Variants in ADGRL3 observed in about 807,000 individuals in gnomAD.
The protein encoded by ADGRL3 is adhesion G protein-coupled receptor L3.
ADGRL3 carries 62 observed loss-of-function variants against 153.5 expected under a neutral mutation model. The observed-to-expected ratio is 0.40, with a 90% CI of 0.33 to 0.50. The LOEUF (loss-of-function observed/expected upper bound fraction) is 0.50. Ranked by LOEUF, ADGRL3 falls within the 20% of genes least tolerant of loss-of-function variation. The pLI is 0.47. For synonymous variants in ADGRL3, 710 were observed against 672.5 expected, an observed-to-expected ratio of 1.06 and a Z score of -0.86; for missense variants, 1,641 against 1,859.4, an observed-to-expected ratio of 0.88 and a Z score of 2.16.
intron 21 of ADGRL3, among the ~76,000 whole-genome samples, chr4:62,013,657 A>G (rs2099197660): frequency 6.6e-6 from 1 of 152,092 alleles, no homozygotes; most frequent in African/African-American, 2.4e-5. Context: ...TGGGAGGCTG[A>G]GGTGGGCGGA....
At chr4:61,377,431 C>G (rs1050614372) in intron 1 of ADGRL3, among the ~76,000 whole-genome samples, 14 of 151,906 alleles carry the variant, frequency 9.2e-5, no homozygotes, top group African/African-American at 3.4e-4. Context: ...TAATAATAAC[C>G]TGTGAGTTTC....
intron 5 of ADGRL3, among the ~76,000 whole-genome samples, chr4:61,643,797 G>T (rs1324089385): frequency 6.9e-6 from 1 of 145,154 alleles, no homozygotes; most frequent in African/African-American, 2.6e-5. Context: ...GATGATGCTG[G>T]CCTCATAAAA....
intron 2 of ADGRL3, among the ~76,000 whole-genome samples, chr4:61,486,020 T>C (rs1360057136): frequency 6.6e-6 from 1 of 152,156 alleles, no homozygotes; most frequent in Non-Finnish European, 1.5e-5. Context: ...CTTGGCTCAC[T>C]GCAAGCTCCG....
intron 4 of ADGRL3, among the ~76,000 whole-genome samples, chr4:61,523,146 G>A (rs1057402201): frequency 6.6e-6 from 1 of 152,038 alleles, no homozygotes; most frequent in Non-Finnish European, 1.5e-5. Flanking sequence ...ATCTTCTCAT[G>A]TTCTTACTTT....
At chr4:61,266,661 G>T (rs1345650612) in intron 1 of ADGRL3, among the ~76,000 whole-genome samples, 1 of 151,786 alleles carries the variant, frequency 6.6e-6, no homozygotes, top group Non-Finnish European at 1.5e-5. Context: ...AATTCTGAGT[G>T]TCATAATTGT....
chr4:61,755,059 A>C (rs554085520), intron 8 of ADGRL3, among the ~76,000 whole-genome samples: 220 of 152,248 alleles, frequency 1.4e-3, no homozygotes, highest in African/African-American at 5.0e-3. Context: ...TGCTATTGTG[A>C]ATAGTGCTGC....
At chr4:61,955,620 A>G (rs1241153859) in intron 17 of ADGRL3, among the ~76,000 whole-genome samples, 1 of 152,040 alleles carries the variant, frequency 6.6e-6, no homozygotes, top group African/African-American at 2.4e-5. Flanking sequence ...GATTTGTTAC[A>G]TAGGTATATT....
chr4:61,955,004 T>C (rs2098960876), intron 17 of ADGRL3, among the ~76,000 whole-genome samples: 1 of 152,200 alleles, frequency 6.6e-6, no homozygotes, highest in Non-Finnish European at 1.5e-5. Context: ...GTAAATGGCA[T>C]GATTCCAGCT....
chr4:61,513,294 C>G (rs866948724), intron 3 of ADGRL3, among the ~76,000 whole-genome samples: 1 of 152,128 alleles, frequency 6.6e-6, no homozygotes, highest in Non-Finnish European at 1.5e-5. Flanking sequence ...GTATTGATCT[C>G]TGCAAGTTAT....
At chr4:61,260,391 A>C (rs1471845315) in intron 1 of ADGRL3, among the ~76,000 whole-genome samples, 1 of 152,206 alleles carries the variant, frequency 6.6e-6, no homozygotes, top group Non-Finnish European at 1.5e-5. Flanking sequence ...TGAATAATGA[A>C]ATGGATAGAG....
At chr4:61,511,792 A>G (rs1297264163) in intron 3 of ADGRL3, among the ~76,000 whole-genome samples, 2 of 152,186 alleles carry the variant, frequency 1.3e-5, no homozygotes, top group Admixed American at 1.3e-4. Flanking sequence ...TATAAGACCC[A>G]GAATTGAAAC....
chr4:61,927,498 A>G (rs1252178666), intron 13 of ADGRL3, among the ~76,000 whole-genome samples: 1 of 152,108 alleles, frequency 6.6e-6, no homozygotes, highest in Non-Finnish European at 1.5e-5. Flanking sequence ...TTTAATTAAG[A>G]CTTGAAAATG....
At chr4:61,294,323 G>A (rs1295876730) in intron 1 of ADGRL3, among the ~76,000 whole-genome samples, 1 of 152,132 alleles carries the variant, frequency 6.6e-6, no homozygotes, top group Non-Finnish European at 1.5e-5. Context: ...TAAGTATTGA[G>A]CATTTTATTA....
intron 1 of ADGRL3, among the ~76,000 whole-genome samples, chr4:61,315,148 G>T (rs1293954626): frequency 6.6e-6 from 1 of 152,134 alleles, no homozygotes; most frequent in African/African-American, 2.4e-5. Flanking sequence ...GGTGTGGAGA[G>T]GGAAGAGTCT....
At chr4:61,936,926 G>A (rs1295928172) in intron 15 of ADGRL3, among the ~76,000 whole-genome samples, 3 of 151,992 alleles carry the variant, frequency 2.0e-5, no homozygotes, top group African/African-American at 7.2e-5. Flanking sequence ...ATATTGCAGG[G>A]TGAATAGTTT....
intron 4 of ADGRL3, among the ~76,000 whole-genome samples, chr4:61,565,292 A>C (rs954255315): frequency 6.6e-6 from 1 of 152,140 alleles, no homozygotes; most frequent in African/African-American, 2.4e-5. Context: ...TTACTAAAAA[A>C]CTCAGGCTCG....
chr4:61,852,106 T>G (rs2098211686), intron 9 of ADGRL3, among the ~76,000 whole-genome samples: 1 of 152,148 alleles, frequency 6.6e-6, no homozygotes, highest in African/African-American at 2.4e-5. Flanking sequence ...GTAGCCATAT[T>G]ACTGTGTTCC....
At chr4:61,768,114 C>A (rs1381750264) in intron 8 of ADGRL3, among the ~76,000 whole-genome samples, 1 of 152,024 alleles carries the variant, frequency 6.6e-6, no homozygotes, top group East Asian at 1.9e-4. Flanking sequence ...TGAAAAAGAG[C>A]CTAAACGCTA....
rs3075148 is a variant in ADGRL3, at chr4:61,541,842, TACACACACAC to T, written c.259+24349_259+24358del. 2.5e-3 allele frequency among the ~76,000 whole-genome samples: 367 copies of T among 146,568 alleles called. 2 individuals are homozygous for T. The highest frequency in any genetic ancestry group is 0.022 in the South Asian group (101 of 4,560). On this transcript the variant is annotated intron_variant, in intron 4 of 26. Transcript: ENST00000683033. Reference sequence around the variant, plus strand: ...CCTTAGATATATATGTGTGTGTGTATACACACACACACACACACACACACACACACACACT... The same window carrying T: ...CCTTAGATATATATGTGTGTGTGTATACACACACACACACACACACACACT...
Sources: gnomAD v4.1 joint callset for allele counts (sites outside exome capture counted in the v4.1 genomes callset) on GRCh38, gnomAD v4.1.1 for gene constraint, MANE v1.5 for transcripts, NCBI Gene and HGNC (gene_info 2026-07-23, HGNC 2026-07-21) for gene names.